The following MLLT3 variants were observed in gnomAD, a reference collection of about 807,000 sequenced individuals.
MLLT3 encodes MLLT3 super elongation complex subunit.
Under a neutral mutation model 53.2 loss-of-function variants are expected in MLLT3, and 4 were observed. The ratio of observed to expected loss-of-function variants is 0.08; its 90% CI spans 0.04 to 0.17. MLLT3 has a LOEUF of 0.17. Ranked by LOEUF, MLLT3 falls within the 10% of genes least tolerant of loss-of-function variation. The pLI, the probability that MLLT3 is intolerant of heterozygous loss-of-function variation, is 1.00. For missense variants in MLLT3, 569 were observed against 684.0 expected (o/e 0.83, Z 1.87); for synonymous variants, 283 against 230.6 (o/e 1.23, Z -2.06).
At chr9:20,550,598 T>A (rs1323253124) in intron 2 of MLLT3, among the ~76,000 whole-genome samples, 1 of 152,080 alleles carries the variant, frequency 6.6e-6, no homozygotes. Context: ...ACTAAATTTT[T>A]TTTTATAGAC....
chr9:20,437,486 A>C (rs902679973), intron 4 of MLLT3, among the ~76,000 whole-genome samples: 1 of 152,186 alleles, frequency 6.6e-6, no homozygotes, highest in Non-Finnish European at 1.5e-5. Flanking sequence ...TGGTGTGTAT[A>C]GAGAAGTAAA....
chr9:20,472,331 C>T (rs1407842923), intron 2 of MLLT3, among the ~76,000 whole-genome samples: 1 of 152,074 alleles, frequency 6.6e-6, no homozygotes, highest in Non-Finnish European at 1.5e-5. Flanking sequence ...ACTGCCATCA[C>T]CTATTTTCAA....
intron 2 of MLLT3, among the ~76,000 whole-genome samples, chr9:20,601,270 G>A (rs1820414647): frequency 6.6e-6 from 1 of 152,162 alleles, no homozygotes; most frequent in African/African-American, 2.4e-5. Context: ...TCAAAAAGAT[G>A]TCTCTGGCTT....
At chr9:20,440,208 G>C (rs921609001) in intron 4 of MLLT3, among the ~76,000 whole-genome samples, 3 of 152,142 alleles carry the variant, frequency 2.0e-5, no homozygotes, top group Non-Finnish European at 4.4e-5. Context: ...TAAATTAGCA[G>C]CAGATCCTAC....
intron 4 of MLLT3, among the ~76,000 whole-genome samples, chr9:20,445,188 T>G (rs1323687631): frequency 6.6e-6 from 1 of 152,156 alleles, no homozygotes; most frequent in Non-Finnish European, 1.5e-5. Flanking sequence ...GAAACTACTT[T>G]CACGGTCCTA....
At chr9:20,364,289 A>C (rs531645748) in intron 6 of MLLT3, among the ~76,000 whole-genome samples, 1 of 152,236 alleles carries the variant, frequency 6.6e-6, no homozygotes, top group African/African-American at 2.4e-5. Flanking sequence ...AAAAATCAGG[A>C]CAGTATCCAG....
intron 2 of MLLT3, among the ~76,000 whole-genome samples, chr9:20,513,733 C>T (rs1469019276): frequency 6.6e-6 from 1 of 152,144 alleles, no homozygotes; most frequent in Non-Finnish European, 1.5e-5. Context: ...TCTGGCTCGA[C>T]CACACTGAGG....
chr9:20,576,063 C>A (rs1819645031), intron 2 of MLLT3, among the ~76,000 whole-genome samples: 1 of 152,214 alleles, frequency 6.6e-6, no homozygotes, highest in Admixed American at 6.5e-5. Context: ...GGATAATTTG[C>A]TGTAGCTTCT....
At chr9:20,499,417 G>A (rs1825162721) in intron 2 of MLLT3, among the ~76,000 whole-genome samples, 1 of 151,852 alleles carries the variant, frequency 6.6e-6, no homozygotes, top group African/African-American at 2.4e-5. Flanking sequence ...GAGGGGAGAG[G>A]GTACACAGGA....
At chr9:20,498,019 C>T (rs890941026) in intron 2 of MLLT3, among the ~76,000 whole-genome samples, 2 of 151,674 alleles carry the variant, frequency 1.3e-5, no homozygotes, top group Non-Finnish European at 2.9e-5. Flanking sequence ...GCCAGGAGTT[C>T]GAGATCAGTC....
chr9:20,537,059 T>C (rs535577053), intron 2 of MLLT3, among the ~76,000 whole-genome samples: 2 of 152,308 alleles, frequency 1.3e-5, no homozygotes, highest in East Asian at 3.9e-4. Context: ...TGTAAAACTA[T>C]AGATGGGAAG....
At chr9:20,380,151 A>G (rs1821870855) in intron 5 of MLLT3, 1 of 151,856 alleles carries the variant, frequency 6.6e-6, no homozygotes, top group African/African-American at 2.4e-5. Flanking sequence ...ACTCTTATCC[A>G]CTGGTTACTA....
intron 2 of MLLT3, among the ~76,000 whole-genome samples, chr9:20,535,815 C>T (rs1425448019): frequency 1.3e-5 from 2 of 152,100 alleles, no homozygotes; most frequent in South Asian, 2.1e-4. Flanking sequence ...TGTTTGATAC[C>T]GGCAAGTGTT....
chr9:20,584,229 CT>C (rs1819887190), intron 2 of MLLT3, among the ~76,000 whole-genome samples: 1 of 152,194 alleles, frequency 6.6e-6, no homozygotes, highest in Non-Finnish European at 1.5e-5. Flanking sequence ...TCATCTCCAT[CT>C]GAGACCACCT....
At chr9:20,463,841 G>A (rs574399216) in intron 2 of MLLT3, among the ~76,000 whole-genome samples, 1 of 152,078 alleles carries the variant, frequency 6.6e-6, no homozygotes, top group East Asian at 1.9e-4. Flanking sequence ...ATTTCAGAAA[G>A]TCCATCTGGA....
At position 20,555,767 on chromosome 9, in the gene MLLT3, G is replaced by C. The variant is rs17758706; in HGVS notation, c.193+64887C>G. ...CAGGCAACAAGGAGGAGACCCACTA[G>C]AAGCAAACTGGTCTTGATGCAAATA... On this transcript the variant is annotated intron_variant, in intron 2 of 10. Transcript: ENST00000380338. Among the ~76,000 whole-genome samples, 1,576 of 152,288 alleles carry C rather than the reference G, an allele frequency of 0.01. 64 individuals are homozygous for C. In the East Asian group the frequency reaches 0.14, roughly 13 times the overall value.
At chr9:20,466,325 G>C (rs930977993) in intron 2 of MLLT3, among the ~76,000 whole-genome samples, 8 of 152,152 alleles carry the variant, frequency 5.3e-5, no homozygotes, top group Non-Finnish European at 1.2e-4. Flanking sequence ...CGATTTTCAA[G>C]TTAGGGAGAC....
At chr9:20,568,255 T>C (rs1819435320) in intron 2 of MLLT3, among the ~76,000 whole-genome samples, 1 of 152,110 alleles carries the variant, frequency 6.6e-6, no homozygotes, top group Admixed American at 6.6e-5. Context: ...TGACACAAGA[T>C]TGTGAGTTAA....
Position 20,622,377 on chromosome 9 carries a change from G to C in MLLT3, c.-121C>G. On this transcript the variant is annotated 5_prime_UTR_variant, in exon 1 of 11. In the 5' UTR this introduces an upstream ATG that the reference lacks. Transcript: ENST00000380338. Reference sequence around the variant, plus strand: ...AGAGCGCGCCCAGGAGCGGAGGGTAGATGGCGGACATTCTCTGCCTTTTTC... The same window carrying C: ...AGAGCGCGCCCAGGAGCGGAGGGTACATGGCGGACATTCTCTGCCTTTTTC... 2 of 899,262 alleles carry C rather than the reference G, an allele frequency of 2.2e-6. No individual in the cohort carries two copies. Among genetic ancestry groups the C allele is most frequent in the Non-Finnish European group, 3.3e-6 (2 of 610,972 alleles). 55.7% of individuals were successfully genotyped at this position (899,262 alleles called of 1,614,324 possible). A position where few individuals can be genotyped will look rare whatever the true frequency, so the allele number is the denominator to read the frequency against.
Sources: gnomAD v4.1 joint callset for allele counts (sites outside exome capture counted in the v4.1 genomes callset) on GRCh38, gnomAD v4.1.1 for gene constraint, MANE v1.5 for transcripts, NCBI Gene and HGNC (gene_info 2026-07-23, HGNC 2026-07-21) for gene names.